The following GRM5 variants were observed in gnomAD, a reference collection of about 807,000 sequenced individuals.
GRM5 encodes metabotropic glutamate receptor 5.
In GRM5, 19 loss-of-function variants were observed where a neutral mutation model predicts 83.1. The observed-to-expected ratio is 0.23, with a 90% CI of 0.16 to 0.34. The LOEUF (loss-of-function observed/expected upper bound fraction) is 0.34, where lower values mean the gene tolerates loss of function less well. GRM5 is among the 10% of genes least tolerant of loss of function. GRM5 has a pLI of 1.00. For missense variants in GRM5, 1,160 were observed against 1,588.3 expected, an observed-to-expected ratio of 0.73 and a Z score of 4.58; for synonymous variants, 675 against 633.6, an observed-to-expected ratio of 1.07 and a Z score of -0.98.
At chr11:88,624,685 AGAATAAAAATTT>A (rs1482884753) in intron 4 of GRM5, among the ~76,000 whole-genome samples, 2 of 152,216 alleles carry the variant, frequency 1.3e-5, no homozygotes, top group Non-Finnish European at 2.9e-5. Context: ...CTGTCTGTAA[AGAATAAAAATTT>A]AAAAATTCAG....
intron 2 of GRM5, among the ~76,000 whole-genome samples, chr11:89,032,934 G>C (rs1042496706): frequency 6.6e-6 from 1 of 151,846 alleles, no homozygotes; most frequent in African/African-American, 2.4e-5. Context: ...TCTTCCCCCA[G>C]CCAATCAATA....
At chr11:88,614,908 C>T (rs562216557) in intron 4 of GRM5, among the ~76,000 whole-genome samples, 1 of 152,150 alleles carries the variant, frequency 6.6e-6, no homozygotes, top group South Asian at 2.1e-4. Context: ...AGAAGAAATC[C>T]CTGTATCACC....
intron 2 of GRM5, among the ~76,000 whole-genome samples, chr11:89,026,910 C>T (rs958139936): frequency 2.4e-4 from 36 of 152,046 alleles, no homozygotes; most frequent in Admixed American, 1.5e-3. Context: ...ACCCATGTGA[C>T]GAAGTGGAGG....
At chr11:88,694,173 C>T (rs1008795361) in intron 3 of GRM5, among the ~76,000 whole-genome samples, 1 of 152,194 alleles carries the variant, frequency 6.6e-6, no homozygotes, top group Non-Finnish European at 1.5e-5. Flanking sequence ...CATAATCAGA[C>T]ACTTCCTTTA....
chr11:88,720,679 TTAAAAA>T (rs1439938559), intron 3 of GRM5, among the ~76,000 whole-genome samples: 2 of 152,038 alleles, frequency 1.3e-5, no homozygotes, highest in African/African-American at 4.8e-5. Context: ...TTAGAAAAAG[TTAAAAA>T]TAATATTGGA....
chr11:88,513,098 T>A (rs1164149909), intron 9 of GRM5, among the ~76,000 whole-genome samples: 2 of 152,196 alleles, frequency 1.3e-5, no homozygotes, highest in African/African-American at 4.8e-5. Flanking sequence ...TCCTCTTTTT[T>A]TCTTATTTTA....
intron 8 of GRM5, among the ~76,000 whole-genome samples, chr11:88,561,815 T>C (rs1437926683): frequency 6.6e-6 from 1 of 152,140 alleles, no homozygotes; most frequent in East Asian, 1.9e-4. Flanking sequence ...TTTCAGTGAA[T>C]TGAATGGCTG....
intron 3 of GRM5, among the ~76,000 whole-genome samples, chr11:88,703,238 T>C (rs927776802): frequency 5.3e-5 from 8 of 152,074 alleles, no homozygotes; most frequent in African/African-American, 1.9e-4. Flanking sequence ...CATGGAATAA[T>C]CAAGATCACT....
At chr11:89,037,770 C>T (rs1196570756) in intron 2 of GRM5, among the ~76,000 whole-genome samples, 2 of 152,140 alleles carry the variant, frequency 1.3e-5, no homozygotes, top group Non-Finnish European at 2.9e-5. Flanking sequence ...AATTAAATGA[C>T]ATTGTCACAG....
At chr11:88,884,297 C>CT (rs1945006905) in intron 2 of GRM5, among the ~76,000 whole-genome samples, 1 of 152,114 alleles carries the variant, frequency 6.6e-6, no homozygotes, top group African/African-American at 2.4e-5. Context: ...AATGACTGTT[C>CT]TATTGGATTT....
intron 8 of GRM5, among the ~76,000 whole-genome samples, chr11:88,537,931 G>C (rs147015873): frequency 9.9e-4 from 151 of 152,138 alleles, no homozygotes; most frequent in Admixed American, 1.4e-3. Flanking sequence ...GAAAATAATG[G>C]AAAGGTAAAA....
chr11:88,664,060 CATT>C (rs1456814130), intron 3 of GRM5, among the ~76,000 whole-genome samples: 3 of 152,108 alleles, frequency 2.0e-5, no homozygotes, highest in African/African-American at 7.2e-5. Context: ...TAACAAGTAA[CATT>C]GTACTTGCTA....
chr11:88,729,008 G>A (rs1309073891), intron 3 of GRM5, among the ~76,000 whole-genome samples: 1 of 152,162 alleles, frequency 6.6e-6, no homozygotes, highest in Non-Finnish European at 1.5e-5. Flanking sequence ...ACATAGTATT[G>A]GAAGTTCTGG....
intron 2 of GRM5, among the ~76,000 whole-genome samples, chr11:88,975,196 T>C (rs1344929117): frequency 6.6e-6 from 1 of 152,194 alleles, no homozygotes; most frequent in African/African-American, 2.4e-5. Context: ...ATATATCATA[T>C]AAAGTATAAA....
rs145363047 is a variant in GRM5 at position 88,584,393 on chromosome 11, A to G, written c.1690+6208T>C. ...CATTGTGACTATGTAAATAATATTT[A>G]TAAAGCAGCCCATCATGATTGCATT... On this transcript the variant is annotated intron_variant, in intron 7 of 9. Transcript: ENST00000305447. Among the ~76,000 whole-genome samples the G allele has an allele frequency of 7.3e-3, 1,111 of 151,852 alleles. 12 individuals carry two copies. The highest frequency in any genetic ancestry group is 0.026 in the African/African-American group (1,073 of 41,406).
chr11:88,733,458 A>T (rs1941848226), intron 3 of GRM5, among the ~76,000 whole-genome samples: 3 of 152,008 alleles, frequency 2.0e-5, no homozygotes, highest in African/African-American at 7.2e-5. Context: ...TGAGGGATGG[A>T]ACCCACGTTC....
At chr11:88,517,712 T>G (rs868273717) in intron 9 of GRM5, among the ~76,000 whole-genome samples, 1 of 152,180 alleles carries the variant, frequency 6.6e-6, no homozygotes, top group South Asian at 2.1e-4. Flanking sequence ...CATACAAGTT[T>G]GGACTTGATG....
intron 2 of GRM5, among the ~76,000 whole-genome samples, chr11:88,938,952 T>A (rs1223067301): frequency 1.3e-5 from 2 of 151,790 alleles, no homozygotes; most frequent in African/African-American, 4.8e-5. Context: ...TCTCCATAAC[T>A]GTGAATTTGT....
intron 2 of GRM5, among the ~76,000 whole-genome samples, chr11:88,983,563 T>C (rs543832251): frequency 4.9e-4 from 74 of 152,304 alleles, no homozygotes; most frequent in African/African-American, 1.6e-3. Context: ...CTCACAAAAG[T>C]CTTTTTTATA....
Sources: gnomAD v4.1 joint callset for allele counts (sites outside exome capture counted in the v4.1 genomes callset) on GRCh38, gnomAD v4.1.1 for gene constraint, MANE v1.5 for transcripts, NCBI Gene and HGNC (gene_info 2026-07-23, HGNC 2026-07-21) for gene names.